ARID1B: variants seen among roughly 807,000 people sequenced by gnomAD.
The protein encoded by ARID1B is AT-rich interactive domain-containing protein 1B.
A neutral mutation model predicts 212.3 loss-of-function variants in ARID1B; 30 were observed. The ratio of observed to expected loss-of-function variants is 0.14; its 90% CI spans 0.11 to 0.19. The LOEUF (loss-of-function observed/expected upper bound fraction) is 0.19, where lower values mean the gene tolerates loss of function less well. Among genes scored for constraint, ARID1B ranks in the 10% least tolerant of loss-of-function variants. The pLI is 1.00. For missense variants in ARID1B, 2,891 were observed against 3,204.0 expected, an observed-to-expected ratio of 0.90 and a Z score of 2.36; for synonymous variants, 1,402 against 1,301.7, an observed-to-expected ratio of 1.08 and a Z score of -1.66.
At chr6:156,901,264 GT>G in intron 2 of ARID1B, 111 bp from the exon 3 acceptor site, 2 of 1,191,266 alleles carry the variant, frequency 1.7e-6, no homozygotes, top group Admixed American at 2.0e-5. Flanking sequence ...GAAATATTGA[GT>G]TTAGTTGCTT....
At chr6:157,189,844 G>A (rs1793234209) in intron 14 of ARID1B, 64 bp downstream of exon 14, 1 of 1,605,696 alleles carries the variant, frequency 6.2e-7, no homozygotes, top group Non-Finnish European at 8.5e-7. Context: ...GTTTTCTGGG[G>A]CAAACTTCAC....
rs1389591008 is a variant in ARID1B, at chr6:156,944,773, T to C, written c.2247+9197T>C. ...AAAGTCATTCATAAACACACTATGC[T>C]TTTTAAACCGAGATTGACATGAATG... On this transcript the variant is annotated intron_variant, in intron 4 of 19. Transcript: ENST00000636930. Among the ~76,000 whole-genome samples, 8 of 152,172 alleles carry C rather than the reference T, an allele frequency of 5.3e-5. 1 individual carries two copies. Among genetic ancestry groups the C allele is most frequent in the Admixed American group, 4.6e-4 (7 of 15,280 alleles).
chr6:156,949,895 A>G (rs1055580748), intron 4 of ARID1B, among the ~76,000 whole-genome samples: 11 of 152,216 alleles, frequency 7.2e-5, no homozygotes, highest in Middle Eastern at 6.3e-3. Context: ...ACGAGTGAAG[A>G]TGAAGGGGTG....
At chr6:157,043,242 C>T (rs73581966) in intron 4 of ARID1B, among the ~76,000 whole-genome samples, 5,505 of 152,244 alleles carry the variant, frequency 0.036, 339 homozygotes, top group African/African-American at 0.13. Flanking sequence ...GCCTAGTCTC[C>T]ACCTTGCCTT....
At chr6:156,889,325 G>C (rs1248179938) in intron 2 of ARID1B, among the ~76,000 whole-genome samples, 4 of 152,178 alleles carry the variant, frequency 2.6e-5, no homozygotes. Context: ...AGACTTTATA[G>C]ATCTGTGGTA....
rs975715176 is a variant in ARID1B, at chr6:156,955,539, G to A, written c.2247+19963G>A. Among the ~76,000 whole-genome samples the A allele has an allele frequency of 4.6e-5, 7 of 152,158 alleles. No individual in the cohort carries two copies. The highest frequency in any genetic ancestry group is 1.0e-4 in the Non-Finnish European group (7 of 68,020). ...CACATATAAAGGCTCTGTAATAATTGAAAGTTATACATAATTTGCTATTGA... is the reference window on the plus strand; with the variant it reads ...CACATATAAAGGCTCTGTAATAATTAAAAGTTATACATAATTTGCTATTGA... On this transcript the variant is annotated intron_variant, in intron 4 of 19. Coordinates refer to ENST00000636930, the MANE Select transcript of ARID1B (RefSeq NM_001374828.1). This position sits in a 1 kb window ranked among gnomAD's most constrained non-coding sequence, Gnocchi z 4.2.
At chr6:157,041,548 C>T (rs1261841889) in intron 4 of ARID1B, among the ~76,000 whole-genome samples, 1 of 152,140 alleles carries the variant, frequency 6.6e-6, no homozygotes, top group Non-Finnish European at 1.5e-5. Context: ...TGTTCTTCAT[C>T]TTCTGATTAG....
chr6:156,784,658 G>T (rs1488424593), intron 1 of ARID1B, among the ~76,000 whole-genome samples: 3 of 152,154 alleles, frequency 2.0e-5, no homozygotes, highest in Non-Finnish European at 4.4e-5. Flanking sequence ...AATTTTTTCA[G>T]AGTAGAATAT....
intron 4 of ARID1B, among the ~76,000 whole-genome samples, chr6:156,956,740 G>A (rs560833184): frequency 2.0e-5 from 3 of 152,320 alleles, no homozygotes; most frequent in South Asian, 4.1e-4. Context: ...TTCTGGATCA[G>A]CACTGTCCAG....
intron 4 of ARID1B, among the ~76,000 whole-genome samples, chr6:157,059,441 T>A (rs112728742): frequency 6.6e-6 from 1 of 152,224 alleles, no homozygotes; most frequent in African/African-American, 2.4e-5. Flanking sequence ...AAATATTTGA[T>A]AGTATACTGC....
At chr6:156,979,536 A>G (rs1777475996) in intron 4 of ARID1B, among the ~76,000 whole-genome samples, 1 of 151,696 alleles carries the variant, frequency 6.6e-6, no homozygotes, top group Non-Finnish European at 1.5e-5. Flanking sequence ...TGAAATATAA[A>G]CATGAATTAT....
At chr6:157,003,625 A>G (rs1311898408) in intron 4 of ARID1B, among the ~76,000 whole-genome samples, 2 of 152,208 alleles carry the variant, frequency 1.3e-5, no homozygotes, top group Non-Finnish European at 2.9e-5. Context: ...TCATCCTCAA[A>G]AGGGAATGGA....
At chr6:156,990,472 C>T (rs1778209642) in intron 4 of ARID1B, among the ~76,000 whole-genome samples, 1 of 152,174 alleles carries the variant, frequency 6.6e-6, no homozygotes, top group East Asian at 1.9e-4. Flanking sequence ...GAAACCCCGT[C>T]TCTACTAAAA....
chr6:156,897,258 C>A (rs199702537), intron 2 of ARID1B, among the ~76,000 whole-genome samples: 8,959 of 85,960 alleles, frequency 0.1, 538 homozygotes, highest in African/African-American at 0.19. Context: ...TCTTCTTCTT[C>A]TTCTTCTTAT....
intron 3 of ARID1B, among the ~76,000 whole-genome samples, chr6:156,918,841 C>G (rs1298136409): frequency 6.6e-6 from 1 of 152,076 alleles, no homozygotes; most frequent in East Asian, 1.9e-4. Flanking sequence ...ATGACTGATG[C>G]CAGGAGGATG....
intron 2 of ARID1B, among the ~76,000 whole-genome samples, chr6:156,845,296 T>C (rs1784162945): frequency 6.6e-6 from 1 of 152,198 alleles, no homozygotes; most frequent in Non-Finnish European, 1.5e-5. Flanking sequence ...ATTACCCTCC[T>C]GGCCCGCTGC....
At chr6:157,105,631 T>C (rs1183781260) in intron 5 of ARID1B, among the ~76,000 whole-genome samples, 1 of 152,188 alleles carries the variant, frequency 6.6e-6, no homozygotes, top group African/African-American at 2.4e-5. Flanking sequence ...AGATGGAGTC[T>C]TGCTCTGTCG....
intron 5 of ARID1B, among the ~76,000 whole-genome samples, chr6:157,098,640 T>G (rs1350573848): frequency 6.6e-6 from 1 of 152,252 alleles, no homozygotes; most frequent in Non-Finnish European, 1.5e-5. Context: ...TCATACTGCC[T>G]ATTTACTATT....
intron 5 of ARID1B, among the ~76,000 whole-genome samples, chr6:157,089,333 G>A (rs1785139486): frequency 6.6e-6 from 1 of 152,144 alleles, no homozygotes; most frequent in Non-Finnish European, 1.5e-5. Flanking sequence ...CTGTTAAACT[G>A]TTCCTCCACC....
Sources: allele counts gnomAD v4.1 joint callset (sites outside exome capture counted in the v4.1 genomes callset), GRCh38; gene constraint gnomAD v4.1.1; non-coding constraint Gnocchi (gnomAD v3.1); transcripts MANE v1.5; gene names NCBI Gene and HGNC (gene_info 2026-07-23, HGNC 2026-07-21).